Variants in PPA2 observed in about 807,000 individuals in gnomAD.
The protein encoded by PPA2 is inorganic pyrophosphatase 2, also known as inorganic pyrophosphatase 2, mitochondrial.
PPA2 carries 48 observed loss-of-function variants against 49.5 expected under a neutral mutation model. The observed-to-expected ratio is 0.97, with a 90% confidence interval of 0.77 to 1.23. The LOEUF (loss-of-function observed/expected upper bound fraction) is 1.23. PPA2 is among the 50% of genes most tolerant of loss of function. The probability of loss-of-function intolerance (pLI) is 0.00; values close to 1 mark genes in which losing one functional copy is unlikely to be tolerated. For synonymous variants in PPA2, 131 were observed against 139.9 expected, an observed-to-expected ratio of 0.94 and a Z score of 0.45; for missense variants, 429 against 410.1, an observed-to-expected ratio of 1.05 and a Z score of -0.40.
At chr4:105,448,084 TC>T in intron 4 of PPA2, 1 of 412,786 alleles carries the variant, frequency 2.4e-6, no homozygotes, top group South Asian at 1.8e-5. Flanking sequence ...CACATTGCTA[TC>T]TTTAAAACCT....
chr4:105,464,984 T>G (rs988721811), intron 1 of PPA2, among the ~76,000 whole-genome samples: 3 of 152,212 alleles, frequency 2.0e-5, no homozygotes, highest in African/African-American at 7.2e-5. Flanking sequence ...ATATCAAGGC[T>G]GATAGAATGT....
At chr4:105,415,261 C>T (rs1002999442) in intron 7 of PPA2, among the ~76,000 whole-genome samples, 3 of 152,222 alleles carry the variant, frequency 2.0e-5, no homozygotes, top group Admixed American at 6.5e-5. Flanking sequence ...GTCTGCCTCC[C>T]GCTATCTATA....
chr4:105,419,093 G>A (rs1394204952), intron 7 of PPA2, among the ~76,000 whole-genome samples: 1 of 152,064 alleles, frequency 6.6e-6, no homozygotes, highest in Non-Finnish European at 1.5e-5. Flanking sequence ...GAGCATTAGG[G>A]CATGAAACCT....
intron 9 of PPA2, among the ~76,000 whole-genome samples, chr4:105,392,492 G>T (rs1221403079): frequency 6.6e-6 from 1 of 152,028 alleles, no homozygotes; most frequent in African/African-American, 2.4e-5. Context: ...GGCCAACATG[G>T]TGAAACCTCG....
intron 6 of PPA2, among the ~76,000 whole-genome samples, chr4:105,432,144 G>T (rs1723833506): frequency 6.6e-6 from 1 of 152,162 alleles, no homozygotes; most frequent in Admixed American, 6.5e-5. Context: ...GGTGGAGGTT[G>T]TTATATACAT....
chr4:105,409,137 CT>C (rs1578830094), intron 7 of PPA2, among the ~76,000 whole-genome samples: 1 of 152,296 alleles, frequency 6.6e-6, no homozygotes, highest in East Asian at 1.9e-4. Flanking sequence ...GGGGATTTCC[CT>C]TTCCTAGGCA....
intron 1 of PPA2, among the ~76,000 whole-genome samples, chr4:105,462,966 C>G (rs1478889484): frequency 1.3e-5 from 2 of 152,134 alleles, no homozygotes; most frequent in African/African-American, 4.8e-5. Context: ...TTGGGTATGC[C>G]TTTATCAGCA....
intron 9 of PPA2, among the ~76,000 whole-genome samples, chr4:105,393,509 TA>T (rs1734010863): frequency 6.9e-6 from 1 of 145,980 alleles, no homozygotes; most frequent in Non-Finnish European, 1.5e-5. Flanking sequence ...ATAATAATAA[TA>T]ATAATAATAA....
chr4:105,370,895 G>T, intron 10 of PPA2, 22 bp from the exon 11 acceptor site: 2 of 1,458,552 alleles, frequency 1.4e-6, no homozygotes, highest in East Asian at 2.6e-5. Flanking sequence ...AACAGAGAAA[G>T]AATCTCTGTT....
chr4:105,459,356 A>G (rs1722995187), intron 1 of PPA2, among the ~76,000 whole-genome samples: 2 of 152,366 alleles, frequency 1.3e-5, no homozygotes, highest in South Asian at 4.1e-4. Flanking sequence ...TAACACAAGA[A>G]CACAAAAAAC....
chr4:105,445,257 T>C lies in PPA2; in HGVS notation c.441+1126A>G, dbSNP rs370445702. The stretch of plus-strand genomic sequence containing the variant: ...TTCAGCATTACCCTCATCCACACAT[T>C]TCCTACAGGCTGCATCCCCTAAGCT... On this transcript the variant is annotated intron_variant, in intron 5 of 11. Coordinates refer to ENST00000341695, the MANE Select transcript of PPA2 (RefSeq NM_176869.3). Among the ~76,000 whole-genome samples, 24 of 152,308 alleles carry C rather than the reference T, an allele frequency of 1.6e-4. No individual in the cohort carries two copies. The East Asian group carries it at 4.2e-3, about 27-fold the overall frequency.
At chr4:105,416,626 T>C (rs1391141475) in intron 7 of PPA2, among the ~76,000 whole-genome samples, 1 of 152,208 alleles carries the variant, frequency 6.6e-6, no homozygotes, top group Non-Finnish European at 1.5e-5. Flanking sequence ...CAAGTTTCAT[T>C]TAATAACATT....
chr4:105,371,995 A>C (rs192241327), intron 10 of PPA2, among the ~76,000 whole-genome samples: 1 of 152,232 alleles, frequency 6.6e-6, no homozygotes, highest in Admixed American at 6.5e-5. Flanking sequence ...ATATCTAGGC[A>C]CCTTTTACCT....
intron 10 of PPA2, among the ~76,000 whole-genome samples, chr4:105,385,273 A>G (rs1421988433): frequency 2.6e-5 from 4 of 152,050 alleles, no homozygotes; most frequent in Non-Finnish European, 5.9e-5. Context: ...TTACTTGCAT[A>G]TTTCCTTCTT....
At chr4:105,457,847 G>C (rs1186098481) in intron 1 of PPA2, among the ~76,000 whole-genome samples, 1 of 152,152 alleles carries the variant, frequency 6.6e-6, no homozygotes, top group South Asian at 2.1e-4. Flanking sequence ...TTACAGGTGT[G>C]AGCCACTGCA....
chr4:105,399,187 A>T, intron 7 of PPA2, 23 bp from the exon 8 acceptor site: 1 of 1,577,654 alleles, frequency 6.3e-7, no homozygotes, highest in East Asian at 2.2e-5. Context: ...AAACAAAAAG[A>T]TGTTTTGTTA....
chr4:105,439,091 C>A (rs186076914), intron 5 of PPA2, among the ~76,000 whole-genome samples: 2 of 152,062 alleles, frequency 1.3e-5, no homozygotes, highest in East Asian at 3.9e-4. Flanking sequence ...ATAAGAATAA[C>A]CACAATTGTT....
chr4:105,414,496 G>A (rs1722912380), intron 7 of PPA2, among the ~76,000 whole-genome samples: 1 of 152,208 alleles, frequency 6.6e-6, no homozygotes, highest in Non-Finnish European at 1.5e-5. Flanking sequence ...AGGCAACTCC[G>A]GGCACCAGCA....
intron 7 of PPA2, 51 bp downstream of exon 7, chr4:105,424,145 T>A (rs766308237): frequency 6.4e-7 from 1 of 1,570,804 alleles, no homozygotes; most frequent in South Asian, 1.2e-5. Context: ...GTTCTCAGAA[T>A]TCCAATGACA....
Sources: allele counts gnomAD v4.1 joint callset (sites outside exome capture counted in the v4.1 genomes callset), GRCh38; gene constraint gnomAD v4.1.1; transcripts MANE v1.5; gene names NCBI Gene and HGNC (gene_info 2026-07-23, HGNC 2026-07-21).